NCAM2: variants seen among roughly 807,000 people sequenced by gnomAD.
The protein encoded by NCAM2 is N-CAM-2.
NCAM2 carries 30 observed loss-of-function variants against 98.1 expected under a neutral mutation model. That is an observed-to-expected ratio of 0.31 (90% confidence interval 0.23 to 0.41). The LOEUF (loss-of-function observed/expected upper bound fraction) is 0.41. NCAM2 is among the 10% of genes least tolerant of loss of function. The pLI, the probability that NCAM2 is intolerant of heterozygous loss-of-function variation, is 1.00. For synonymous variants in NCAM2, 368 were observed against 342.4 expected, an observed-to-expected ratio of 1.07 and a Z score of -0.83; for missense variants, 867 against 1,005.8, an observed-to-expected ratio of 0.86 and a Z score of 1.87.
At chr21:21,345,430 A>T (rs1227987086) in intron 8 of NCAM2, among the ~76,000 whole-genome samples, 1 of 152,146 alleles carries the variant, frequency 6.6e-6, no homozygotes, top group Middle Eastern at 3.2e-3. Flanking sequence ...ACAGAGATTG[A>T]AATAATTACA....
chr21:21,355,485 G>GA (rs2075448888), intron 8 of NCAM2, among the ~76,000 whole-genome samples: 1 of 48,926 alleles, frequency 2.0e-5, no homozygotes, highest in African/African-American at 7.7e-5. Flanking sequence ...AAAAAAAAAG[G>GA]AGAGAAAGAA....
intron 6 of NCAM2, among the ~76,000 whole-genome samples, chr21:21,329,896 A>G (rs913172923): frequency 6.6e-6 from 1 of 152,134 alleles, no homozygotes; most frequent in African/African-American, 2.4e-5. Flanking sequence ...ACGCAATTCC[A>G]GGAATTTGTC....
intron 1 of NCAM2, among the ~76,000 whole-genome samples, chr21:21,256,006 A>G (rs1445436138): frequency 1.3e-5 from 2 of 152,184 alleles, no homozygotes; most frequent in African/African-American, 4.8e-5. Flanking sequence ...TTAAAAGCCA[A>G]ATTTCAATAA....
chr21:21,096,539 T>C (rs929686375), intron 1 of NCAM2, among the ~76,000 whole-genome samples: 2 of 151,920 alleles, frequency 1.3e-5, no homozygotes, highest in South Asian at 4.1e-4. Context: ...AGAATTAAAA[T>C]GTTTTTTTCT....
At chr21:21,029,897 T>A (rs565907875) in intron 1 of NCAM2, among the ~76,000 whole-genome samples, 1 of 152,320 alleles carries the variant, frequency 6.6e-6, no homozygotes, top group African/African-American at 2.4e-5. Context: ...CCCAAAGTGC[T>A]GGGATTGTGG....
At chr21:21,526,473 A>G (rs550633338) in intron 16 of NCAM2, among the ~76,000 whole-genome samples, 2 of 152,166 alleles carry the variant, frequency 1.3e-5, no homozygotes, top group African/African-American at 2.4e-5. Context: ...GATAGAAAAT[A>G]AAAGAAGAAT....
intron 1 of NCAM2, among the ~76,000 whole-genome samples, chr21:21,088,806 A>G (rs2065953888): frequency 6.6e-6 from 1 of 151,730 alleles, no homozygotes. Context: ...TGTCTCTACT[A>G]AAAATACAAA....
chr21:21,502,613 G>C (rs2146338784), intron 15 of NCAM2, among the ~76,000 whole-genome samples: 1 of 152,028 alleles, frequency 6.6e-6, no homozygotes, highest in Non-Finnish European at 1.5e-5. Context: ...GGAGTATATT[G>C]TACTACGAAG....
intron 12 of NCAM2, among the ~76,000 whole-genome samples, chr21:21,453,121 A>T (rs1048788519): frequency 1.5e-5 from 2 of 136,664 alleles, no homozygotes; most frequent in Non-Finnish European, 3.1e-5. Context: ...ATATATAATA[A>T]CAAAATATAT....
intron 9 of NCAM2, chr21:21,385,540 G>A (rs1475347772): frequency 7.2e-6 from 5 of 694,830 alleles, no homozygotes; most frequent in South Asian, 1.5e-5. Flanking sequence ...TACTGTAATA[G>A]CACTAAACTT....
chr21:21,451,928 A>G (rs761479496), intron 12 of NCAM2, among the ~76,000 whole-genome samples: 76 of 151,852 alleles, frequency 5.0e-4, no homozygotes, highest in Non-Finnish European at 8.5e-4. Flanking sequence ...TTCCCCATCT[A>G]TTGGTTGGGC....
chr21:20,999,360 A>T (rs976210059), intron 1 of NCAM2, among the ~76,000 whole-genome samples: 1 of 152,154 alleles, frequency 6.6e-6, no homozygotes, highest in Non-Finnish European at 1.5e-5. Context: ...CTTAAAAAAA[A>T]AAAATGAATA....
intron 1 of NCAM2, among the ~76,000 whole-genome samples, chr21:21,172,170 G>A (rs574421271): frequency 1.3e-5 from 2 of 151,504 alleles, no homozygotes; most frequent in African/African-American, 4.8e-5. Context: ...TTCTGACAGA[G>A]GAATGACAAT....
chr21:21,286,607 C>T (rs1258024724), intron 4 of NCAM2, among the ~76,000 whole-genome samples, 195 bp downstream of exon 4: 1 of 151,728 alleles, frequency 6.6e-6, no homozygotes, highest in Non-Finnish European at 1.5e-5. Flanking sequence ...GCCCTTTACC[C>T]CTATGTTGTA....
In NCAM2 at chr21:21,466,563, G is replaced by GTA. The variant is rs762089537; in HGVS notation, c.1655-35_1655-34dup. ...AAAATGTGTCCAATTAGATATATAT[G>GTA]TATATATATGTTTTATTTTGTTTTG... On this transcript the variant is annotated intron_variant, in intron 12 of 17. Coordinates refer to ENST00000400546, the MANE Select transcript of NCAM2 (RefSeq NM_004540.5). The GTA allele has an allele frequency of 6.5e-5, 86 of 1,319,446 alleles. 1 individual carries two copies. In the African/African-American group the frequency reaches 9.3e-4, roughly 14 times the overall value. 81.7% of individuals were successfully genotyped at this position (1,319,446 alleles called of 1,614,324 possible).
chr21:21,124,550 G>C (rs1446025369), intron 1 of NCAM2, among the ~76,000 whole-genome samples: 1 of 152,176 alleles, frequency 6.6e-6, no homozygotes, highest in African/African-American at 2.4e-5. Context: ...TGGAGACATG[G>C]AATCAGGGTA....
At chr21:21,202,089 G>T (rs1335776315) in intron 1 of NCAM2, among the ~76,000 whole-genome samples, 2 of 152,154 alleles carry the variant, frequency 1.3e-5, no homozygotes, top group African/African-American at 4.8e-5. Context: ...AGGGGAAGGA[G>T]CATAGCATAG....
chr21:21,205,426 A>G (rs1291748634), intron 1 of NCAM2, among the ~76,000 whole-genome samples: 1 of 152,092 alleles, frequency 6.6e-6, no homozygotes, highest in Admixed American at 6.6e-5. Flanking sequence ...ATTCTGATGT[A>G]TATTATCTTT....
chr21:21,231,275 T>G (rs2070614504), intron 1 of NCAM2, among the ~76,000 whole-genome samples: 1 of 151,332 alleles, frequency 6.6e-6, no homozygotes, highest in South Asian at 2.1e-4. Context: ...AAATATTACC[T>G]AATAAATTGA....
Sources: gnomAD v4.1 joint callset for allele counts (sites outside exome capture counted in the v4.1 genomes callset) on GRCh38, gnomAD v4.1.1 for gene constraint, MANE v1.5 for transcripts, NCBI Gene and HGNC (gene_info 2026-07-23, HGNC 2026-07-21) for gene names.